Variants in TDRP observed in about 807,000 individuals in gnomAD.
The protein encoded by TDRP is testis development-related protein.
TDRP carries 12 observed loss-of-function variants against 10.5 expected under a neutral mutation model. That is an observed-to-expected ratio of 1.15 (90% CI 0.73 to 1.86). The LOEUF (loss-of-function observed/expected upper bound fraction) is 1.86, where lower values mean the gene tolerates loss of function less well. TDRP is among the 40% of genes most tolerant of loss of function. TDRP has a pLI of 0.00. For synonymous variants in TDRP, 139 were observed against 95.4 expected (o/e 1.46, Z -2.67); for missense variants, 353 against 229.2 (o/e 1.54, Z -3.49).
chr8:513,726 T>A (rs1001081824), intron 1 of TDRP, among the ~76,000 whole-genome samples: 1 of 152,214 alleles, frequency 6.6e-6, no homozygotes, highest in Admixed American at 6.5e-5. Flanking sequence ...GCTGATAACA[T>A]GATCTTTTGC....
At chr8:530,138 T>C (rs1802150021) in intron 1 of TDRP, among the ~76,000 whole-genome samples, 1 of 152,154 alleles carries the variant, frequency 6.6e-6, no homozygotes, top group Non-Finnish European at 1.5e-5. Context: ...AGCTTTTTAA[T>C]CCCTCTAGTT....
At chr8:536,544 T>C (rs887434797) in intron 1 of TDRP, among the ~76,000 whole-genome samples, 5 of 152,218 alleles carry the variant, frequency 3.3e-5, no homozygotes, top group Non-Finnish European at 5.9e-5. Flanking sequence ...TGAAGAAAAC[T>C]TGGCATACAA....
At chr8:522,396 T>C (rs1801928817) in intron 1 of TDRP, among the ~76,000 whole-genome samples, 1 of 152,218 alleles carries the variant, frequency 6.6e-6, no homozygotes, top group African/African-American at 2.4e-5. Flanking sequence ...TAAAATTAAC[T>C]GCCTGTTTTT....
intron 1 of TDRP, among the ~76,000 whole-genome samples, chr8:510,627 A>C (rs555877401): frequency 2.8e-4 from 42 of 152,364 alleles, no homozygotes; most frequent in African/African-American, 8.7e-4. Flanking sequence ...CAAAAATCCT[A>C]TATCCAGCAA....
intron 1 of TDRP, among the ~76,000 whole-genome samples, chr8:539,470 G>A (rs1802434277): frequency 6.6e-6 from 1 of 152,210 alleles, no homozygotes; most frequent in Non-Finnish European, 1.5e-5. Context: ...GAACTAGGAT[G>A]ACTGTATAAC....
In TDRP at chr8:542,977, A is replaced by G. The variant is rs564847640; in HGVS notation, c.108+1673T>C. On this transcript the variant is annotated intron_variant, in intron 1 of 2. Coordinates refer to ENST00000324079, the MANE Select transcript of TDRP (RefSeq NM_001384899.1). ...TGGAGGATACGAGGAAGAATCTCCT[A>G]TTCTTCTACTTTTCCGCATGTTAGA... 2.6e-5 allele frequency among the ~76,000 whole-genome samples: 4 copies of G among 151,970 alleles called. No individual in the cohort carries two copies. The East Asian group carries it at 5.8e-4, about 22-fold the overall frequency.
rs563074305 is a variant in TDRP, at chr8:525,491, T to A, written c.108+19159A>T. Among the ~76,000 whole-genome samples, 161 of 152,276 alleles carry A rather than the reference T, an allele frequency of 1.1e-3. 4 individuals carry two copies. The highest frequency in any genetic ancestry group is 3.4e-3 in the Middle Eastern group (1 of 294). ...CTTTAAATGACAAACCAATTAAAAATAACTTCTTAAGATGTAATACAATAA... is the reference window on the plus strand; with the variant it reads ...CTTTAAATGACAAACCAATTAAAAAAAACTTCTTAAGATGTAATACAATAA... On this transcript the variant is annotated intron_variant, in intron 1 of 2. Coordinates refer to ENST00000324079, the MANE Select transcript of TDRP (RefSeq NM_001384899.1).
At chr8:511,824 A>C (rs1471911217) in intron 1 of TDRP, among the ~76,000 whole-genome samples, 1 of 152,234 alleles carries the variant, frequency 6.6e-6, no homozygotes, top group South Asian at 2.1e-4. Flanking sequence ...ACTCACTCTT[A>C]AATTACCAAT....
At chr8:501,690 G>C (rs1366001039) in intron 1 of TDRP, among the ~76,000 whole-genome samples, 1 of 152,202 alleles carries the variant, frequency 6.6e-6, no homozygotes, top group Admixed American at 6.5e-5. Context: ...TCATAGGTCA[G>C]GAAAAATTAG....
intron 1 of TDRP, among the ~76,000 whole-genome samples, chr8:528,029 C>T (rs563490261): frequency 8.5e-5 from 13 of 152,214 alleles, no homozygotes; most frequent in African/African-American, 2.6e-4. Context: ...GATTAAGAAT[C>T]AGAATATAAA....
chr8:534,145 T>C (rs972747391), intron 1 of TDRP, among the ~76,000 whole-genome samples: 2 of 152,218 alleles, frequency 1.3e-5, no homozygotes, highest in East Asian at 1.9e-4. Context: ...GAAACTTGGA[T>C]TCAAATTCCT....
At chr8:525,606 A>T (rs1230109743) in intron 1 of TDRP, among the ~76,000 whole-genome samples, 1 of 152,198 alleles carries the variant, frequency 6.6e-6, no homozygotes, top group African/African-American at 2.4e-5. Flanking sequence ...TAATGCAATA[A>T]GTGTTAAATT....
At chr8:521,664 G>A (rs539570796) in intron 1 of TDRP, among the ~76,000 whole-genome samples, 1 of 152,296 alleles carries the variant, frequency 6.6e-6, no homozygotes, top group East Asian at 1.9e-4. Flanking sequence ...GTTGGAAAGT[G>A]TGAGGCTTCC....
rs1800987824 is a variant in TDRP, at chr8:491,918, G to C, written c.*481C>G. ...ATAAGAACAAAGTTTAATTTGTCAA[G>C]TTAAACAAAATTTAACATAACTTTG... On this transcript the variant is annotated 3_prime_UTR_variant, in exon 3 of 3. Coordinates refer to ENST00000324079, the MANE Select transcript of TDRP (RefSeq NM_001384899.1). The C allele has an allele frequency of 2.6e-6, 3 of 1,142,216 alleles. No homozygotes were observed. Among genetic ancestry groups the C allele is most frequent in the Non-Finnish European group, 3.2e-6 (3 of 932,054 alleles). The allele number at this position is 1,142,216 out of a possible 1,614,324, so 70.8% of individuals were successfully genotyped here. A position where few individuals can be genotyped will look rare whatever the true frequency, so the allele number is the denominator to read the frequency against.
intron 1 of TDRP, among the ~76,000 whole-genome samples, chr8:530,359 A>G (rs1802157754): frequency 6.6e-6 from 1 of 152,144 alleles, no homozygotes; most frequent in African/African-American, 2.4e-5. Context: ...TCTAGGGTCA[A>G]ATTCTGGAGA....
In TDRP at chr8:492,053, G is replaced by C; in HGVS notation, c.*346C>G. 8.8e-7 allele frequency: 1 copy of C among 1,136,046 alleles called. No individual in the cohort carries two copies. Among genetic ancestry groups the C allele is most frequent in the East Asian group, 4.7e-5 (1 of 21,230 alleles). 70.4% of individuals were successfully genotyped at this position (1,136,046 alleles called of 1,614,324 possible). A position where few individuals can be genotyped will look rare whatever the true frequency, so the allele number is the denominator to read the frequency against. ...AAAAAGGTACGGAAGTTCTGAAACA[G>C]AACTACAACACAGAGCAGCATGAAA... is the stretch of plus-strand genomic sequence containing the variant. On this transcript the variant is annotated 3_prime_UTR_variant, in exon 3 of 3. Transcript: ENST00000324079.
intron 1 of TDRP, among the ~76,000 whole-genome samples, chr8:522,520 T>C (rs928604521): frequency 2.6e-5 from 4 of 152,180 alleles, no homozygotes; most frequent in African/African-American, 7.2e-5. Context: ...TCGTAAAACA[T>C]GTTGTTCCTT....
intron 1 of TDRP, among the ~76,000 whole-genome samples, chr8:512,524 G>C (rs1801647123): frequency 6.6e-6 from 1 of 152,052 alleles, no homozygotes; most frequent in African/African-American, 2.4e-5. Flanking sequence ...AAATGAAAGA[G>C]GAGACATTTC....
In TDRP at chr8:513,961, G is replaced by A. The variant is rs141123412; in HGVS notation, c.109-19364C>T. Among the ~76,000 whole-genome samples, 138 of 152,202 alleles carry A rather than the reference G, an allele frequency of 9.1e-4. 1 individual carries two copies. In the East Asian group the frequency reaches 0.024, roughly 26 times the overall value. On this transcript the variant is annotated intron_variant, in intron 1 of 2. Coordinates refer to ENST00000324079, the MANE Select transcript of TDRP (RefSeq NM_001384899.1). ...AAATGTTTAAATGATCTGAATAACT[G>A]GAAAACTACTCCACTGTCATGAATC...
Sources: gnomAD v4.1 joint callset for allele counts (sites outside exome capture counted in the v4.1 genomes callset) on GRCh38, gnomAD v4.1.1 for gene constraint, MANE v1.5 for transcripts, NCBI Gene and HGNC (gene_info 2026-07-23, HGNC 2026-07-21) for gene names.